The following SGCD variants were observed in gnomAD, a reference collection of about 807,000 sequenced individuals.
SGCD encodes delta-sarcoglycan.
In SGCD, 18 loss-of-function variants were observed where a neutral mutation model predicts 36.6. The observed-to-expected ratio is 0.49, with a 90% CI of 0.34 to 0.73. The LOEUF (loss-of-function observed/expected upper bound fraction) is 0.73, where lower values mean the gene tolerates loss of function less well. Ranked by LOEUF, SGCD falls within the 30% of genes least tolerant of loss-of-function variation. The probability of loss-of-function intolerance (pLI) is 0.01; values close to 1 mark genes in which losing one functional copy is unlikely to be tolerated. For missense variants in SGCD, 387 were observed against 346.7 expected, an observed-to-expected ratio of 1.12 and a Z score of -0.92; for synonymous variants, 133 against 130.6, an observed-to-expected ratio of 1.02 and a Z score of -0.12.
Position 156,088,482 on chromosome 5 carries a change from G to C in SGCD, c.-281-29396G>C, listed in dbSNP as rs565869112. On this transcript the variant is annotated intron_variant, in intron 1 of 9. Transcript: ENST00000517913. ...TGTAGGTGATACCCAGCAGGGCAGA[G>C]AAATAAGGGTTTGTTTGTTTGTTTG... is the stretch of plus-strand genomic sequence containing the variant. 4.7e-5 allele frequency among the ~76,000 whole-genome samples: 7 copies of C among 147,422 alleles called. No homozygotes were observed. The South Asian group carries it at 1.5e-3, about 31-fold the overall frequency.
chr5:156,167,785 A>T (rs947842044), intron 3 of SGCD, among the ~76,000 whole-genome samples: 2 of 152,214 alleles, frequency 1.3e-5, no homozygotes, highest in Admixed American at 6.5e-5. Context: ...AACCAAGCAG[A>T]TGCTGGTGCC....
rs35464853 is a variant in SGCD at position 156,412,787 on chromosome 5, C to CT, written c.192+68129dup. Among the ~76,000 whole-genome samples the CT allele has an allele frequency of 3.1e-3, 330 of 105,004 alleles. 4 individuals carry two copies. Among genetic ancestry groups the CT allele is most frequent in the South Asian group, 0.011 (34 of 3,124 alleles). The allele number at this position is 105,004 out of a possible 152,430, so 68.9% of individuals were successfully genotyped here. On this transcript the variant is annotated intron_variant, in intron 3 of 8. Coordinates refer to ENST00000337851, the MANE Select transcript of SGCD (RefSeq NM_000337.6). The stretch of plus-strand genomic sequence containing the variant: ...CAGATTGAATCAGGCAGGGTTGGTT[C>CT]TTTTTTTTTTTTTTTTTTTGAGACG...
intron 3 of SGCD, among the ~76,000 whole-genome samples, chr5:156,357,015 T>C (rs1384663507): frequency 1.3e-5 from 2 of 152,212 alleles, no homozygotes; most frequent in African/African-American, 4.8e-5. Context: ...TGAGAAAATT[T>C]ATATTGTTTT....
At chr5:155,985,360 T>G (rs981539926) in intron 1 of SGCD, among the ~76,000 whole-genome samples, 1 of 152,152 alleles carries the variant, frequency 6.6e-6, no homozygotes, top group Non-Finnish European at 1.5e-5. Flanking sequence ...CTCCTAGAAC[T>G]CACATTCCTC....
chr5:156,300,833 G>A (rs1295028463), intron 3 of SGCD, among the ~76,000 whole-genome samples: 1 of 151,934 alleles, frequency 6.6e-6, no homozygotes, highest in African/African-American at 2.4e-5. Context: ...GTTAAATCCT[G>A]TTGCTGAATT....
chr5:156,036,682 T>G (rs1759505951), intron 1 of SGCD, among the ~76,000 whole-genome samples: 1 of 152,158 alleles, frequency 6.6e-6, no homozygotes, highest in African/African-American at 2.4e-5. Flanking sequence ...CTTCCTCAAT[T>G]GCTGGTAACA....
intron 1 of SGCD, among the ~76,000 whole-genome samples, chr5:155,930,736 G>A: frequency 6.6e-6 from 1 of 152,266 alleles, no homozygotes; most frequent in Non-Finnish European, 1.5e-5. Context: ...AACTGGAATA[G>A]ATGCTCTGAA....
chr5:155,857,642 G>A, the SGCD span, among the ~76,000 whole-genome samples: 1 of 152,198 alleles, frequency 6.6e-6, no homozygotes, highest in Non-Finnish European at 1.5e-5. Context: ...TGGGGGTGGG[G>A]ATGGGTGTAA....
the SGCD span, among the ~76,000 whole-genome samples, chr5:155,851,045 G>T: frequency 1.3e-5 from 2 of 152,122 alleles, no homozygotes; most frequent in African/African-American, 4.8e-5. Context: ...TCTATTTTGG[G>T]AGTGCCAGTT....
intron 1 of SGCD, among the ~76,000 whole-genome samples, chr5:156,074,249 G>A (rs1760694836): frequency 1.3e-5 from 2 of 152,142 alleles, no homozygotes; most frequent in African/African-American, 4.8e-5. Context: ...TCTGTGGTAT[G>A]GATGAAAGAC....
At chr5:156,355,614 A>G (rs1369081645) in intron 3 of SGCD, among the ~76,000 whole-genome samples, 4 of 152,182 alleles carry the variant, frequency 2.6e-5, no homozygotes, top group African/African-American at 7.2e-5. Flanking sequence ...ATCAGATGAT[A>G]CATAAGGTCC....
At chr5:156,446,298 G>A (rs187621080) in intron 3 of SGCD, among the ~76,000 whole-genome samples, 2 of 152,272 alleles carry the variant, frequency 1.3e-5, no homozygotes, top group African/African-American at 4.8e-5. Flanking sequence ...AAAACCAAAT[G>A]GAAAAGATGC....
At chr5:156,020,976 A>G (rs1351951385) in intron 1 of SGCD, among the ~76,000 whole-genome samples, 2 of 152,220 alleles carry the variant, frequency 1.3e-5, no homozygotes. Context: ...CAAAACAATC[A>G]TTGTTCATAT....
chr5:156,649,420 A>G (rs189405203), intron 7 of SGCD, among the ~76,000 whole-genome samples: 1 of 152,314 alleles, frequency 6.6e-6, no homozygotes, highest in East Asian at 1.9e-4. Context: ...ACATATATTT[A>G]TTGCAGCACT....
intron 3 of SGCD, among the ~76,000 whole-genome samples, chr5:156,256,086 T>C (rs62383769): frequency 0.057 from 8,617 of 152,278 alleles, 272 homozygotes; most frequent in Non-Finnish European, 0.069. Flanking sequence ...TCAAAAAGCA[T>C]TTATTAAGAG....
At chr5:155,995,665 A>G (rs1232037974) in intron 1 of SGCD, among the ~76,000 whole-genome samples, 1 of 152,228 alleles carries the variant, frequency 6.6e-6, no homozygotes, top group Non-Finnish European at 1.5e-5. Flanking sequence ...TAAAGGATAC[A>G]ATCCTAATAC....
At position 156,093,973 on chromosome 5, in the gene SGCD, G is replaced by T. The variant is rs77181116; in HGVS notation, c.-281-23905G>T. 5.2e-3 allele frequency among the ~76,000 whole-genome samples: 786 copies of T among 152,258 alleles called. 6 individuals carry two copies. Among genetic ancestry groups the T allele is most frequent in the African/African-American group, 0.018 (759 of 41,544 alleles). On this transcript the variant is annotated intron_variant, in intron 1 of 9. Coordinates refer to the SGCD transcript ENST00000517913. ...TCATCTAAGCCACCCACGGATATTTGCCTAAGTGGGAATTGCCCTGCTCTG... is the reference window on the plus strand; with the variant it reads ...TCATCTAAGCCACCCACGGATATTTTCCTAAGTGGGAATTGCCCTGCTCTG...
chr5:156,218,131 G>A (rs1057278210), intron 3 of SGCD, among the ~76,000 whole-genome samples: 14 of 151,950 alleles, frequency 9.2e-5, no homozygotes, highest in African/African-American at 2.2e-4. Flanking sequence ...AAAATTAGTC[G>A]GGCATGGTGG....
intron 1 of SGCD, among the ~76,000 whole-genome samples, chr5:155,972,964 C>T (rs1390236702): frequency 1.3e-5 from 2 of 152,006 alleles, no homozygotes; most frequent in Admixed American, 6.6e-5. Flanking sequence ...TCACATATGT[C>T]GTTAATCTTT....
Sources: gnomAD v4.1 joint callset for allele counts (sites outside exome capture counted in the v4.1 genomes callset) on GRCh38, gnomAD v4.1.1 for gene constraint, MANE v1.5 for transcripts, NCBI Gene and HGNC (gene_info 2026-07-23, HGNC 2026-07-21) for gene names.